The following TRIM55 variants were observed in gnomAD, a reference collection of about 807,000 sequenced individuals.
TRIM55 encodes the protein tripartite motif containing 55.
TRIM55 carries 50 observed loss-of-function variants against 60.9 expected under a neutral mutation model. The observed-to-expected ratio is 0.82, with a 90% CI of 0.65 to 1.04. The LOEUF is 1.04. Ranked by LOEUF, TRIM55 falls within the 50% of genes least tolerant of loss-of-function variation. TRIM55 has a pLI of 0.00. For synonymous variants in TRIM55, 237 were observed against 238.1 expected (o/e 1.00, Z 0.04); for missense variants, 681 against 666.9 (o/e 1.02, Z -0.23).
upstream of TRIM55, among the ~76,000 whole-genome samples, chr8:66,124,494 C>G (rs1251894390): frequency 6.6e-6 from 1 of 152,186 alleles, no homozygotes; most frequent in Non-Finnish European, 1.5e-5. Flanking sequence ...TGGAAAGCCC[C>G]AGCCATGCCC....
chr8:66,117,641 G>C, the TRIM55 span, among the ~76,000 whole-genome samples: 1 of 152,050 alleles, frequency 6.6e-6, no homozygotes, highest in Admixed American at 6.5e-5. Context: ...TTAAATAAGG[G>C]GTGACTTGTG....
chr8:66,154,851 C>T (rs946521428), intron 9 of TRIM55, among the ~76,000 whole-genome samples: 4 of 152,220 alleles, frequency 2.6e-5, no homozygotes, highest in African/African-American at 9.6e-5. Context: ...TAGACAGAGA[C>T]AGTCTTGGCT....
intron 9 of TRIM55, among the ~76,000 whole-genome samples, chr8:66,170,483 A>G (rs1468452230): frequency 6.6e-6 from 1 of 152,160 alleles, no homozygotes; most frequent in Non-Finnish European, 1.5e-5. Context: ...TGTATGCATG[A>G]CATTTTGTTT....
chr8:66,160,132 T>C (rs1810964727), intron 9 of TRIM55, among the ~76,000 whole-genome samples: 1 of 152,194 alleles, frequency 6.6e-6, no homozygotes, highest in African/African-American at 2.4e-5. Flanking sequence ...TGTAGTCTTC[T>C]ATCCCTCCCC....
upstream of TRIM55, among the ~76,000 whole-genome samples, chr8:66,126,078 G>T (rs1327865541): frequency 2.0e-5 from 3 of 152,192 alleles, no homozygotes; most frequent in African/African-American, 7.2e-5. Context: ...TATCAGAAAT[G>T]ACCAGAGAAA....
intron 4 of TRIM55, among the ~76,000 whole-genome samples, chr8:66,139,238 T>C (rs1809661966): frequency 6.6e-6 from 1 of 152,154 alleles, no homozygotes; most frequent in Non-Finnish European, 1.5e-5. Context: ...ACGTTGCTTG[T>C]GGGTGAGCGA....
At chr8:66,131,540 C>A (rs1030110307) in intron 2 of TRIM55, among the ~76,000 whole-genome samples, 1 of 152,228 alleles carries the variant, frequency 6.6e-6, no homozygotes, top group African/African-American at 2.4e-5. Context: ...TTCTTTTACT[C>A]TCCCCCTGGG....
the TRIM55 span, among the ~76,000 whole-genome samples, chr8:66,117,209 G>C: frequency 4.6e-5 from 7 of 152,300 alleles, no homozygotes; most frequent in East Asian, 1.4e-3. Flanking sequence ...TTAAAGAACA[G>C]TGCTTTCCTC....
At chr8:66,124,063 C>T (rs1274255693), upstream of TRIM55, among the ~76,000 whole-genome samples, 2 of 152,128 alleles carry the variant, frequency 1.3e-5, no homozygotes, top group East Asian at 1.9e-4. Context: ...ACTACATCGT[C>T]GGTTACTCAG....
At chr8:66,149,962 C>A in intron 5 of TRIM55, 84 bp downstream of exon 5, 1 of 1,157,058 alleles carries the variant, frequency 8.6e-7, no homozygotes, top group African/African-American at 1.6e-5. Flanking sequence ...ATTTTATGTA[C>A]ATTTCAGTTT....
At chr8:66,114,804 CAG>C in the TRIM55 span, 5 of 339,966 alleles carry the variant, frequency 1.5e-5, no homozygotes, top group South Asian at 4.6e-5. Context: ...TCCCTGGACA[CAG>C]GGGCTGCCGT....
chr8:66,142,851 C>G (rs1809896907), intron 4 of TRIM55, among the ~76,000 whole-genome samples: 1 of 152,192 alleles, frequency 6.6e-6, no homozygotes, highest in South Asian at 2.1e-4. Flanking sequence ...CTAGGGACAC[C>G]CTAGTCTGTA....
At chr8:66,172,607 T>C (rs1811704062) in intron 9 of TRIM55, among the ~76,000 whole-genome samples, 1 of 152,214 alleles carries the variant, frequency 6.6e-6, no homozygotes, top group Admixed American at 6.5e-5. Context: ...GATGTCAATC[T>C]CTAGTAGAGG....
intron 2 of TRIM55, among the ~76,000 whole-genome samples, chr8:66,131,219 C>T (rs1809138085): frequency 6.6e-6 from 1 of 152,080 alleles, no homozygotes; most frequent in Non-Finnish European, 1.5e-5. Context: ...TACTGCTACC[C>T]TATTAAAGCT....
Position 66,128,461 on chromosome 8 carries a change from A to G in TRIM55, c.326A>G (p.Lys109Arg). Residue 109 changes from lysine to arginine, a missense_variant, in exon 2 of 10, where the codon AAG becomes AGG. Transcript: ENST00000315962. ...LLVENIIDIY[K>R]QESTRPEKKS... Reference sequence around the variant, plus strand: ...GTGGAAAATATCATTGACATCTACAAGCAGGAGTCCACCAGGTAACACTCT... The same window carrying G: ...GTGGAAAATATCATTGACATCTACAGGCAGGAGTCCACCAGGTAACACTCT... 1 of 1,613,284 alleles carries G rather than the reference A, an allele frequency of 6.2e-7. No individual in the cohort carries two copies. Among genetic ancestry groups the G allele is most frequent in the South Asian group, 1.1e-5 (1 of 90,812 alleles).
chr8:66,157,299 G>A (rs953024279), intron 9 of TRIM55, among the ~76,000 whole-genome samples: 1 of 152,112 alleles, frequency 6.6e-6, no homozygotes, highest in Non-Finnish European at 1.5e-5. Context: ...GTTTGAGGAA[G>A]GGCCTTTCAC....
At chr8:66,115,062 A>G in the TRIM55 span, 1 of 153,910 alleles carries the variant, frequency 6.5e-6, no homozygotes, top group Non-Finnish European at 1.4e-5. Flanking sequence ...AAATCTCCCT[A>G]TCCTAATTTT....
intron 3 of TRIM55, 113 bp downstream of exon 3, chr8:66,135,268 C>A: frequency 8.8e-7 from 1 of 1,133,308 alleles, no homozygotes; most frequent in Non-Finnish European, 1.3e-6. Context: ...CCAAGCCACG[C>A]AGGGCCATGG....
chr8:66,169,552 C>T (rs1811506271), intron 9 of TRIM55, among the ~76,000 whole-genome samples: 1 of 152,170 alleles, frequency 6.6e-6, no homozygotes, highest in East Asian at 1.9e-4. Context: ...GATTGTGTGC[C>T]TTTAGGAGCC....
Sources: allele counts gnomAD v4.1 joint callset (sites outside exome capture counted in the v4.1 genomes callset), GRCh38; gene constraint gnomAD v4.1.1; transcripts MANE v1.5; gene names NCBI Gene and HGNC (gene_info 2026-07-23, HGNC 2026-07-21).